The following ZFHX3 variants were observed in gnomAD, a reference collection of about 807,000 sequenced individuals.
The protein encoded by ZFHX3 is zinc finger homeobox protein 3.
Under a neutral mutation model 279.1 loss-of-function variants are expected in ZFHX3, and 42 were observed. That is an observed-to-expected ratio of 0.15 (90% CI 0.12 to 0.19). The LOEUF is 0.19. Among genes scored for constraint, ZFHX3 ranks in the 10% least tolerant of loss-of-function variants. The pLI is 1.00. For missense variants in ZFHX3, 4,981 were observed against 4,754.0 expected (o/e 1.05, Z -1.40); for synonymous variants, 2,293 against 1,957.8 (o/e 1.17, Z -4.52).
chr16:73,074,874 C>T (rs72795156), intron 8 of ZFHX3, among the ~76,000 whole-genome samples: 4 of 152,026 alleles, frequency 2.6e-5, no homozygotes, highest in African/African-American at 9.7e-5. Flanking sequence ...AATCTCAGTT[C>T]ACTACAACTT....
At chr16:73,014,518 C>CTTTTTTTTTTTTT (rs1000108439) in intron 1 of ZFHX3, 1 of 63,406 alleles carries the variant, frequency 1.6e-5, no homozygotes, top group African/African-American at 6.3e-5. Context: ...ATTTCTTCTT[C>CTTTTTTTTTTTTT]TTTTTTTTTT....
chr16:72,794,199 G>A lies in ZFHX3; in HGVS notation c.8483C>T (p.Thr2828Ile). ...MSSVNLNFDQ[T>I]KLDNDDCSSV... ...GGAACAGTCATCGTTGTCCAGCTTA[G>A]TTTGGTCAAAGTTTAGATTAACTGA... Residue 2828 changes from threonine to isoleucine, a missense_variant, in exon 9 of 10, where the codon ACT becomes ATT. Physicochemically the swap from Thr to Ile is moderately conservative, Grantham distance 89. Transcript: ENST00000268489. The surrounding 1 kb of genome is among the most constrained non-coding windows in gnomAD (Gnocchi z 4.2). The A allele has an allele frequency of 1.2e-6, 2 of 1,614,186 alleles. No individual in the cohort carries two copies. The highest frequency in any genetic ancestry group is 1.7e-6 in the Non-Finnish European group (2 of 1,180,036).
chr16:73,846,105 G>T (rs1567428792), intron 1 of ZFHX3, among the ~76,000 whole-genome samples: 1 of 152,168 alleles, frequency 6.6e-6, no homozygotes, highest in Admixed American at 6.5e-5. Context: ...GCCTGCAAAA[G>T]CTCTTTACTT....
At chr16:73,410,799 T>C (rs1204029559) in intron 3 of ZFHX3, among the ~76,000 whole-genome samples, 2 of 152,156 alleles carry the variant, frequency 1.3e-5, no homozygotes, top group African/African-American at 4.8e-5. Flanking sequence ...ATCTACTAAG[T>C]ATAAAACATG....
At chr16:72,949,371 G>A (rs1329313845) in intron 3 of ZFHX3, among the ~76,000 whole-genome samples, 1 of 152,176 alleles carries the variant, frequency 6.6e-6, no homozygotes, top group African/African-American at 2.4e-5. Context: ...GCGAGGGAGT[G>A]GAAGGTGTGT....
intron 7 of ZFHX3, among the ~76,000 whole-genome samples, chr16:73,122,500 C>T (rs1966511947): frequency 6.6e-6 from 1 of 152,104 alleles, no homozygotes; most frequent in Non-Finnish European, 1.5e-5. Context: ...AGCCACTGTG[C>T]CTGGCCACAT....
intron 2 of ZFHX3, among the ~76,000 whole-genome samples, chr16:73,464,821 C>T (rs535709723): frequency 3.3e-5 from 5 of 152,324 alleles, no homozygotes; most frequent in Non-Finnish European, 5.9e-5. Context: ...CTCTCTTTAT[C>T]GTTCCTTTGT....
At chr16:73,702,298 G>C (rs1001766649) in intron 1 of ZFHX3, among the ~76,000 whole-genome samples, 3 of 152,044 alleles carry the variant, frequency 2.0e-5, no homozygotes, top group African/African-American at 7.2e-5. Context: ...GCAAAGAGAA[G>C]GGGCTGCCTG....
chr16:73,020,018 C>A (rs574172996), intron 1 of ZFHX3, among the ~76,000 whole-genome samples: 1 of 152,262 alleles, frequency 6.6e-6, no homozygotes, highest in Admixed American at 6.5e-5. Context: ...CATTCGTTAT[C>A]ATCGCTGAAA....
At chr16:72,863,825 G>A (rs1370916753) in intron 4 of ZFHX3, among the ~76,000 whole-genome samples, 1 of 152,098 alleles carries the variant, frequency 6.6e-6, no homozygotes. Context: ...ATCCAACTCA[G>A]GAACACAGAA....
chr16:73,132,830 A>C (rs1462869817), intron 6 of ZFHX3, among the ~76,000 whole-genome samples: 1 of 152,218 alleles, frequency 6.6e-6, no homozygotes, highest in East Asian at 1.9e-4. Flanking sequence ...TAAAGTGATC[A>C]ATCAGGAGGA....
At chr16:73,231,428 G>T (rs2144930991) in intron 5 of ZFHX3, among the ~76,000 whole-genome samples, 1 of 152,340 alleles carries the variant, frequency 6.6e-6, no homozygotes, top group East Asian at 1.9e-4. Context: ...AAAAGACCAC[G>T]TTTAAAACCT....
intron 4 of ZFHX3, among the ~76,000 whole-genome samples, chr16:72,835,758 T>G (rs12600293): frequency 0.033 from 5,042 of 152,070 alleles, 608 homozygotes; most frequent in East Asian, 0.28. Flanking sequence ...CCTGTGTAGG[T>G]GCGGCATCCT....
At chr16:73,508,521 A>G in intron 2 of ZFHX3, among the ~76,000 whole-genome samples, 1 of 152,200 alleles carries the variant, frequency 6.6e-6, no homozygotes, top group East Asian at 1.9e-4. Flanking sequence ...GTCATTACAC[A>G]CATGTGAGTT....
chr16:72,830,568 C>T (rs967821224), intron 4 of ZFHX3, among the ~76,000 whole-genome samples: 4 of 152,196 alleles, frequency 2.6e-5, no homozygotes, highest in Non-Finnish European at 4.4e-5. Flanking sequence ...TCACTCACTA[C>T]GGGTTTAAAA....
At chr16:72,995,360 A>G (rs554717088) in intron 1 of ZFHX3, among the ~76,000 whole-genome samples, 1 of 152,332 alleles carries the variant, frequency 6.6e-6, no homozygotes, top group South Asian at 2.1e-4. Flanking sequence ...CAGGCACTCC[A>G]TTATGGCAAC....
At chr16:73,132,360 C>G (rs942851896) in intron 6 of ZFHX3, among the ~76,000 whole-genome samples, 12 of 152,102 alleles carry the variant, frequency 7.9e-5, no homozygotes, top group African/African-American at 2.7e-4. Flanking sequence ...TTGTGCCTCC[C>G]TGGAGAAAAC....
intron 3 of ZFHX3, among the ~76,000 whole-genome samples, chr16:73,424,436 G>C (rs1006935407): frequency 7.2e-5 from 11 of 152,114 alleles, no homozygotes; most frequent in African/African-American, 2.7e-4. Flanking sequence ...TGCACCTTCT[G>C]CATATGTACT....
intron 6 of ZFHX3, among the ~76,000 whole-genome samples, chr16:73,138,942 C>T (rs545883033): frequency 2.6e-5 from 4 of 152,318 alleles, no homozygotes; most frequent in African/African-American, 7.2e-5. Context: ...CCTCCTGCCT[C>T]GGCCTCCCAA....
Sources: allele counts gnomAD v4.1 joint callset (sites outside exome capture counted in the v4.1 genomes callset), GRCh38; gene constraint gnomAD v4.1.1; non-coding constraint Gnocchi (gnomAD v3.1); transcripts MANE v1.5; gene names NCBI Gene and HGNC (gene_info 2026-07-23, HGNC 2026-07-21).